CHI3L2: variants seen among roughly 807,000 people sequenced by gnomAD.
CHI3L2 encodes the protein chitinase-3-like protein 2.
Under a neutral mutation model 47.3 loss-of-function variants are expected in CHI3L2, and 47 were observed. The observed-to-expected ratio is 0.99, with a 90% CI of 0.79 to 1.27. The LOEUF is 1.27. Among genes scored for constraint, CHI3L2 ranks in the 50% most tolerant of loss-of-function variants. The pLI is 0.00. For missense variants in CHI3L2, 497 were observed against 462.1 expected, an observed-to-expected ratio of 1.08 and a Z score of -0.69; for synonymous variants, 198 against 169.9, an observed-to-expected ratio of 1.17 and a Z score of -1.28.
At position 111,242,161 on chromosome 1, in the gene CHI3L2, G is replaced by A. The variant is rs41313997; in HGVS notation, c.1036-66G>A. The A allele has an allele frequency of 4.9e-5, 78 of 1,604,528 alleles. No individual in the cohort carries two copies. The South Asian group carries it at 8.2e-4, about 17-fold the overall frequency. On this transcript the variant is annotated intron_variant, in intron 9 of 10. Transcript: ENST00000369748. ...TAAGCTTAGTCCCTCATCTGAACCT[G>A]ATATGGTCCTGGGCATTTAGGGGCC... is the stretch of plus-strand genomic sequence containing the variant.
At chr1:111,231,884 C>T (rs1659733285) in intron 4 of CHI3L2, among the ~76,000 whole-genome samples, 1 of 152,212 alleles carries the variant, frequency 6.6e-6, no homozygotes, top group Admixed American at 6.5e-5. Context: ...GAAATGATAT[C>T]CCATTTACAT....
Position 111,230,817 on chromosome 1 carries a change from A to T in CHI3L2, c.146A>T (p.Glu49Val), listed in dbSNP as rs750499929. 6.2e-7 allele frequency: 1 copy of T among 1,614,146 alleles called. No homozygotes were observed. Among genetic ancestry groups the T allele is most frequent in the Non-Finnish European group, 8.5e-7 (1 of 1,180,014 alleles). The part of the protein sequence containing the change: ...DRQEPGKFTP[E>V]NIDPFLCSHL... ...CAGGAACCAGGAAAATTCACCCCTGAGAATATTGACCCCTTCCTATGCTCT... is the reference window on the plus strand; with the variant it reads ...CAGGAACCAGGAAAATTCACCCCTGTGAATATTGACCCCTTCCTATGCTCT... Residue 49 changes from glutamate (E) to valine (V), a missense_variant, in exon 3 of 11, where the codon GAG becomes GTG. Glu to Val is a moderately radical substitution (Grantham distance 121). Coordinates refer to ENST00000369748, the MANE Select transcript of CHI3L2 (RefSeq NM_004000.3).
Position 111,242,231 on chromosome 1 carries a change from A to G in CHI3L2, c.1040A>G (p.Gln347Arg). The part of the protein sequence containing the change: ...DDVKSMETKV[Q>R]FLKNLNLGGA... ...ATCCTTCTGTGTCTCCCATAGGTTC[A>G]GTTCTTAAAGAATTTAAACCTGGGA... Residue 347 changes from glutamine to arginine, a missense_variant, in exon 10 of 11, where the codon CAG becomes CGG. Transcript: ENST00000369748. The G allele has an allele frequency of 1.2e-6, 2 of 1,614,136 alleles. No individual in the cohort carries two copies. The highest frequency in any genetic ancestry group is 1.7e-6 in the Non-Finnish European group (2 of 1,179,974).
chr1:111,238,198 A>G (rs2019111), intron 7 of CHI3L2, among the ~76,000 whole-genome samples: 51,606 of 152,144 alleles, frequency 0.34, 10,210 homozygotes, highest in East Asian at 0.55. Flanking sequence ...TCAAGCTGTA[A>G]CCTGACCACC....
At chr1:111,233,371 C>G (rs72979866) in intron 4 of CHI3L2, among the ~76,000 whole-genome samples, 4,814 of 152,176 alleles carry the variant, frequency 0.032, 255 homozygotes, top group African/African-American at 0.11. Flanking sequence ...AGGATTAGTA[C>G]CCTCAGTCCC....
rs34049547 is a variant in CHI3L2 at position 111,235,708 on chromosome 1, G to C, written c.550G>C (p.Val184Leu). The change falls in exon 6 of 11, where the codon GTA (valine) becomes CTA (leucine). Residue 184 changes from valine (V) to leucine (L), a missense_variant. By Grantham distance (32) the Val-to-Leu change is conservative. Transcript: ENST00000369748. The part of the protein sequence containing the change: ...TKERLLLTAG[V>L]SAGRQMIDNS... ...GGAAAGGCTTCTCTTGACTGCGGGC[G>C]TATCTGCAGGGAGGCAAATGATTGA... is the stretch of plus-strand genomic sequence containing the variant. 1 of 1,614,212 alleles carries C rather than the reference G, an allele frequency of 6.2e-7. No individual in the cohort carries two copies. The highest frequency in any genetic ancestry group is 8.5e-7 in the Non-Finnish European group (1 of 1,180,012).
chr1:111,240,510 C>T (rs1456462534), intron 8 of CHI3L2, among the ~76,000 whole-genome samples: 1 of 152,168 alleles, frequency 6.6e-6, no homozygotes, highest in Admixed American at 6.5e-5. Flanking sequence ...ATATCAACCA[C>T]TAGATATGCA....
At chr1:111,231,157 T>C (rs1454633579) in intron 3 of CHI3L2, 81 bp from the exon 4 acceptor site, 4 of 1,267,898 alleles carry the variant, frequency 3.2e-6, no homozygotes, top group African/African-American at 3.0e-5. Context: ...CCATTTTCTC[T>C]ACACTTAAGA....
At chr1:111,228,256 G>A (rs1043124047) in intron 1 of CHI3L2, among the ~76,000 whole-genome samples, 15 of 152,198 alleles carry the variant, frequency 9.9e-5, no homozygotes, top group Admixed American at 2.6e-4. Flanking sequence ...TGTGGTGGCT[G>A]GGAATTGGGA....
At chr1:111,234,773 G>C in intron 4 of CHI3L2, 134 bp from the exon 5 acceptor site, 1 of 790,996 alleles carries the variant, frequency 1.3e-6, no homozygotes, top group East Asian at 2.5e-5. Flanking sequence ...TCCAAAAGGG[G>C]AAAGCATTAG....
rs1012120826 is a variant in CHI3L2, at chr1:111,235,069, A to G, written c.480+12A>G. 6.2e-7 allele frequency: 1 copy of G among 1,613,080 alleles called. No individual in the cohort carries two copies. The highest frequency in any genetic ancestry group is 1.1e-5 in the South Asian group (1 of 91,064). On this transcript the variant is annotated intron_variant, in intron 5 of 10. Coordinates refer to ENST00000369748, the MANE Select transcript of CHI3L2 (RefSeq NM_004000.3). ...CTGTGCTGATTCATGTAAGTCATGAATCAAGTAATTCATGTGAGTCAGATG... is the reference window on the plus strand; with the variant it reads ...CTGTGCTGATTCATGTAAGTCATGAGTCAAGTAATTCATGTGAGTCAGATG...
intron 7 of CHI3L2, among the ~76,000 whole-genome samples, chr1:111,237,280 T>C (rs1373602787): frequency 6.6e-6 from 1 of 152,224 alleles, no homozygotes; most frequent in Non-Finnish European, 1.5e-5. Context: ...AGAGACTAAA[T>C]TCCTCCCAAA....
chr1:111,237,383 A>AT (rs1294517074), intron 7 of CHI3L2, among the ~76,000 whole-genome samples: 1 of 152,186 alleles, frequency 6.6e-6, no homozygotes, highest in African/African-American at 2.4e-5. Flanking sequence ...CACTGTCATA[A>AT]TTTTCTCAGT....
At chr1:111,234,455 C>T (rs1477138059) in intron 4 of CHI3L2, among the ~76,000 whole-genome samples, 1 of 152,122 alleles carries the variant, frequency 6.6e-6, no homozygotes, top group African/African-American at 2.4e-5. Context: ...CAAAGGATGC[C>T]AGAGCGATGA....
rs1441288655 is a variant in CHI3L2, at chr1:111,241,348, G to A, written c.940G>A (p.Ala314Thr). The stretch of plus-strand genomic sequence containing the variant: ...CCAGATCTGCCAGTTCCTGAAAGGA[G>A]CCAAGATCACGCGGCTCCAGGATCA... ...YYEICQFLKG[A>T]KITRLQDQQV... is the part of the protein sequence containing the mutation. The change falls in exon 9 of 11, where the codon GCC (alanine) becomes ACC (threonine). Residue 314 changes from alanine to threonine, a missense_variant. Ala to Thr is a moderately conservative substitution (Grantham distance 58). Transcript: ENST00000369748. 3 of 1,595,608 alleles carry A rather than the reference G, an allele frequency of 1.9e-6. No individual in the cohort carries two copies. The highest frequency in any genetic ancestry group is 1.7e-5 in the Admixed American group (1 of 59,982).
At chr1:111,242,625 A>G (rs192116831) in intron 10 of CHI3L2, 444 of 226,648 alleles carry the variant, frequency 2.0e-3, no homozygotes, top group African/African-American at 0.011. Context: ...CTTTCATTAC[A>G]TATATATTAG....
chr1:111,231,800 G>A (rs1659731212), intron 4 of CHI3L2, among the ~76,000 whole-genome samples: 1 of 152,146 alleles, frequency 6.6e-6, no homozygotes, highest in African/African-American at 2.4e-5. Flanking sequence ...GAAACAATCA[G>A]TCCTGCTTTG....
In CHI3L2 at chr1:111,236,130, G is replaced by A. The variant is rs960872976; in HGVS notation, c.712G>A (p.Gly238Arg). The A allele has an allele frequency of 2.6e-5, 42 of 1,614,082 alleles. No individual in the cohort carries two copies. The highest frequency in any genetic ancestry group is 3.6e-5 in the Non-Finnish European group (42 of 1,180,046). ...TCTGAGCAAGGGGTGGCAGGACAGA[G>A]GGCCAAGCTCCTACTACAATGTGGT... ...SPLSKGWQDR[G>R]PSSYYNVEYA... Residue 238 changes from glycine (G) to arginine (R), a missense_variant, in exon 7 of 11, where the codon GGG (glycine) becomes AGG (arginine). Coordinates refer to ENST00000369748, the MANE Select transcript of CHI3L2 (RefSeq NM_004000.3).
intron 10 of CHI3L2, 49 bp downstream of exon 10, chr1:111,242,415 A>G (rs781768387): frequency 2.7e-5 from 41 of 1,524,028 alleles, no homozygotes; most frequent in Non-Finnish European, 3.6e-5. Context: ...TGGGCAGAAC[A>G]GGGCACAGGA....
Sources: allele counts gnomAD v4.1 joint callset (sites outside exome capture counted in the v4.1 genomes callset), GRCh38; gene constraint gnomAD v4.1.1; transcripts MANE v1.5; gene names NCBI Gene and HGNC (gene_info 2026-07-23, HGNC 2026-07-21).